The following SEMA4A variants were observed in gnomAD, a reference collection of about 807,000 sequenced individuals.
SEMA4A encodes the protein semaphorin 4A.
In SEMA4A, 52 loss-of-function variants were observed where a neutral mutation model predicts 72.5. The ratio of observed to expected loss-of-function variants is 0.72; its 90% CI spans 0.57 to 0.90. The LOEUF (loss-of-function observed/expected upper bound fraction) is 0.90. SEMA4A is among the 40% of genes least tolerant of loss of function. The probability of loss-of-function intolerance (pLI) is 0.00; values close to 1 mark genes in which losing one functional copy is unlikely to be tolerated. For synonymous variants in SEMA4A, 369 were observed against 393.1 expected (o/e 0.94, Z 0.73); for missense variants, 926 against 959.7 (o/e 0.96, Z 0.46).
chr1:156,175,633 G>A lies in SEMA4A; in HGVS notation c.1670G>A (p.Arg557Gln), dbSNP rs137997761. Residue 557 changes from arginine to glutamine, a missense_variant, in exon 14 of 15, where the codon CGG (arginine) becomes CAG (glutamine). Arg to Gln is a conservative substitution (Grantham distance 43, BLOSUM62 1). Transcript: ENST00000368285. Reference protein sequence around the residue: ...CASGPMSRSLRPQSRPQIIKE... With the variant: ...CASGPMSRSLQPQSRPQIIKE... ...AGTGGCCCCATGAGCAGGAGCCTTC[G>A]GCCTCAGAGCCGCCCGCAAATCAGT... The A allele has an allele frequency of 1.5e-4, 234 of 1,610,708 alleles. No homozygotes were observed. The African/African-American group carries it at 2.5e-3, about 17-fold the overall frequency.
At chr1:156,164,396 C>T (rs1653970384) in intron 10 of SEMA4A, among the ~76,000 whole-genome samples, 1 of 152,196 alleles carries the variant, frequency 6.6e-6, no homozygotes, top group Admixed American at 6.5e-5. Context: ...CCCCCACCTC[C>T]ACCCAGTGGT....
At chr1:156,169,076 G>A (rs1277551465) in intron 10 of SEMA4A, among the ~76,000 whole-genome samples, 14 of 152,088 alleles carry the variant, frequency 9.2e-5, no homozygotes, top group Admixed American at 8.5e-4. Flanking sequence ...ATGTGGAAGG[G>A]GCAGTCACCC....
chr1:156,175,818 A>G (rs1655272772), intron 14 of SEMA4A, among the ~76,000 whole-genome samples, 162 bp downstream of exon 14: 1 of 152,218 alleles, frequency 6.6e-6, no homozygotes, highest in Non-Finnish European at 1.5e-5. Context: ...GGGAAGAGGC[A>G]TAGGAATTCT....
Position 156,160,528 on chromosome 1 carries a change from C to T in SEMA4A, c.654C>T (p.Leu218=), listed in dbSNP as rs775604376. 6.2e-7 allele frequency: 1 copy of T among 1,614,176 alleles called. No homozygotes were observed. The highest frequency in any genetic ancestry group is 2.2e-5 in the East Asian group (1 of 44,890). ...GCACACTGGGATCCCAGCCTGTCCT[C>T]AAGACCGACAACTTCCTCCGCTGGC... ...LMRTLGSQPV[L]KTDNFLRWLH... is the part of the protein sequence containing the mutation. The change falls in exon 7 of 15, where the codon CTC becomes CTT. Residue 218 remains leucine, a synonymous_variant. Coordinates refer to ENST00000368285, the MANE Select transcript of SEMA4A (RefSeq NM_022367.4).
rs202048433 is a variant in SEMA4A at position 156,176,698 on chromosome 1, G to A, written c.1987G>A (p.Val663Ile). ...LAGIPREHVK[V>I]PLTRVSGGAA... ...AGGCATCCCCCGGGAGCATGTGAAG[G>A]TCCCGTTGACCAGGGTCAGTGGTGG... Residue 663 changes from valine (V) to isoleucine (I), a missense_variant, in exon 15 of 15, where the codon GTC becomes ATC. Coordinates refer to ENST00000368285, the MANE Select transcript of SEMA4A (RefSeq NM_022367.4). The A allele has an allele frequency of 2.2e-5, 35 of 1,613,984 alleles. No individual in the cohort carries two copies. Among genetic ancestry groups the A allele is most frequent in the Non-Finnish European group, 2.8e-5 (33 of 1,179,952 alleles).
Position 156,176,610 on chromosome 1 carries a change from C to T in SEMA4A, c.1899C>T (p.Tyr633=), listed in dbSNP as rs1236156223. Residue 633 remains tyrosine, a synonymous_variant, in exon 15 of 15, where the codon TAC becomes TAT. Transcript: ENST00000368285. ...GGGCAACTGAGAATGGCTTTTCATA[C>T]CCTGTGATCTCCTACTGGGTGGACA... ...QCWATENGFS[Y]PVISYWVDSQ... is the part of the protein sequence containing the mutation. The T allele has an allele frequency of 1.2e-6, 2 of 1,614,196 alleles. No homozygotes were observed. The highest frequency in any genetic ancestry group is 1.1e-5 in the South Asian group (1 of 91,086).
At position 156,156,425 on chromosome 1, in the gene SEMA4A, A is replaced by T. The variant is rs772060056; in HGVS notation, c.151A>T (p.Arg51Trp). Residue 51 changes from arginine to tryptophan, a missense_variant, in exon 3 of 15, where the codon AGG (arginine) becomes TGG (tryptophan). Arg to Trp is a moderately radical substitution (Grantham distance 101). Coordinates refer to ENST00000368285, the MANE Select transcript of SEMA4A (RefSeq NM_022367.4). Reference sequence around the variant, plus strand: ...TACTCCTCCAACAGGGGATGAACGTAGGGCACTTAGCTTCTTCCACCAGAA... The same window carrying T: ...TACTCCTCCAACAGGGGATGAACGTTGGGCACTTAGCTTCTTCCACCAGAA... ...RVRYYAGDER[R>W]ALSFFHQKGL... 6.2e-7 allele frequency: 1 copy of T among 1,614,102 alleles called. No individual in the cohort carries two copies.
chr1:156,148,052 A>C (rs140592934), upstream of SEMA4A, among the ~76,000 whole-genome samples: 433 of 152,322 alleles, frequency 2.8e-3, 4 homozygotes, highest in African/African-American at 0.01. Context: ...ACCTGGATTG[A>C]AGTGGAGCCA....
chr1:156,167,599 TTGA>T (rs1363308167), intron 10 of SEMA4A, among the ~76,000 whole-genome samples: 3 of 152,208 alleles, frequency 2.0e-5, no homozygotes, highest in African/African-American at 7.2e-5. Context: ...AGCCTGGATC[TTGA>T]TGATTGCATC....
upstream of SEMA4A, among the ~76,000 whole-genome samples, chr1:156,152,631 C>T (rs980479852): frequency 5.3e-5 from 8 of 152,008 alleles, no homozygotes; most frequent in African/African-American, 7.3e-5. Context: ...GACCAACCCC[C>T]GGGGAAACTG....
intron 14 of SEMA4A, among the ~76,000 whole-genome samples, chr1:156,176,037 G>A (rs965529605): frequency 1.3e-5 from 2 of 152,170 alleles, no homozygotes; most frequent in East Asian, 1.9e-4. Context: ...CCAGCACTTT[G>A]AGAGGCTGAG....
At chr1:156,147,751 C>T (rs1465466973), upstream of SEMA4A, among the ~76,000 whole-genome samples, 2 of 152,164 alleles carry the variant, frequency 1.3e-5, no homozygotes, top group Non-Finnish European at 2.9e-5. Flanking sequence ...TCCCCACTCC[C>T]CACAGGTGGG....
chr1:156,161,313 CG>C (rs1427127003), intron 8 of SEMA4A, 32 bp from the exon 9 acceptor site: 3 of 757,754 alleles, frequency 4.0e-6, no homozygotes, highest in Non-Finnish European at 5.7e-6. Context: ...TCGGGGCGCC[CG>C]GGGCGCCCCC....
At position 156,160,454 on chromosome 1, in the gene SEMA4A, T is replaced by C; in HGVS notation, c.580T>C (p.Tyr194His). ...CTCCTCCACCCTAGATGGGATGCTC[T>C]ATTCTGGTACTATGAACAACTTCCT... Reference protein sequence around the residue: ...HTAVLVDGMLYSGTMNNFLGS... With the variant: ...HTAVLVDGMLHSGTMNNFLGS... Residue 194 changes from tyrosine (Y) to histidine (H), a missense_variant, in exon 7 of 15, where the codon TAT (tyrosine) becomes CAT (histidine). Transcript: ENST00000368285. 1 of 1,613,636 alleles carries C rather than the reference T, an allele frequency of 6.2e-7. No homozygotes were observed. Among genetic ancestry groups the C allele is most frequent in the Non-Finnish European group, 8.5e-7 (1 of 1,179,634 alleles).
At chr1:156,150,936 G>T (rs1017614370), upstream of SEMA4A, among the ~76,000 whole-genome samples, 2 of 152,108 alleles carry the variant, frequency 1.3e-5, no homozygotes, top group African/African-American at 4.8e-5. Context: ...CCAGATTGGA[G>T]CTGTGAAAAT....
intron 9 of SEMA4A, among the ~76,000 whole-genome samples, chr1:156,162,642 C>G (rs1177178071): frequency 6.6e-6 from 1 of 152,246 alleles, no homozygotes; most frequent in Non-Finnish European, 1.5e-5. Context: ...ATGGGTGCAG[C>G]CCAGTGTAGG....
intron 10 of SEMA4A, among the ~76,000 whole-genome samples, chr1:156,163,751 C>T (rs1572405063): frequency 9.5e-6 from 1 of 105,262 alleles, no homozygotes; most frequent in Non-Finnish European, 1.9e-5. Context: ...AAAAAAAAAT[C>T]AGAGGCTGGG....
At chr1:156,163,149 A>G in intron 10 of SEMA4A, 55 bp downstream of exon 10, 1 of 1,594,838 alleles carries the variant, frequency 6.3e-7, no homozygotes, top group South Asian at 1.1e-5. Context: ...TGTGCATGAA[A>G]AAACACCTAT....
At position 156,160,573 on chromosome 1, in the gene SEMA4A, C is replaced by T. The variant is rs1353767969; in HGVS notation, c.685+14C>T. 6.2e-7 allele frequency: 1 copy of T among 1,603,360 alleles called. No individual in the cohort carries two copies. The highest frequency in any genetic ancestry group is 1.1e-5 in the South Asian group (1 of 90,854). On this transcript the variant is annotated intron_variant, in intron 7 of 14. Coordinates refer to ENST00000368285, the MANE Select transcript of SEMA4A (RefSeq NM_022367.4). ...GCTGGCTGCATCGTAAGGACCTGACCCCCGCTGGCCTCCTTTCCTGAGTCC... is the reference window on the plus strand; with the variant it reads ...GCTGGCTGCATCGTAAGGACCTGACTCCCGCTGGCCTCCTTTCCTGAGTCC...
Sources: allele counts gnomAD v4.1 joint callset (sites outside exome capture counted in the v4.1 genomes callset), GRCh38; gene constraint gnomAD v4.1.1; transcripts MANE v1.5; gene names NCBI Gene and HGNC (gene_info 2026-07-23, HGNC 2026-07-21).